NRAP: variants seen among roughly 807,000 people sequenced by gnomAD.
NRAP encodes nebulin related anchoring protein, also known as nebulin-related-anchoring protein.
Under a neutral mutation model 225.9 loss-of-function variants are expected in NRAP, and 189 were observed. That is an observed-to-expected ratio of 0.84 (90% confidence interval 0.74 to 0.94). NRAP has a LOEUF of 0.94. Ranked by LOEUF, NRAP falls within the 40% of genes least tolerant of loss-of-function variation. The pLI, the probability that NRAP is intolerant of heterozygous loss-of-function variation, is 0.00. For synonymous variants in NRAP, 769 were observed against 790.7 expected, an observed-to-expected ratio of 0.97 and a Z score of 0.46; for missense variants, 2,176 against 2,168.7, an observed-to-expected ratio of 1.00 and a Z score of -0.07.
rs550608483 is a variant in NRAP at position 113,625,769 on chromosome 10, A to T, written c.2244+278T>A. Among the ~76,000 whole-genome samples the T allele has an allele frequency of 2.0e-5, 3 of 152,336 alleles. No individual in the cohort carries two copies. In the East Asian group the frequency reaches 5.8e-4, roughly 29 times the overall value. Reference sequence around the variant, plus strand: ...TTTGATGAGAGATAGGAGTCAGAAGAAAAAAGGAACTAGAGAATATGGAAG... The same window carrying T: ...TTTGATGAGAGATAGGAGTCAGAAGTAAAAAGGAACTAGAGAATATGGAAG... On this transcript the variant is annotated intron_variant, in intron 21 of 41. Coordinates refer to ENST00000359988, the MANE Select transcript of NRAP (RefSeq NM_198060.4).
chr10:113,614,875 G>T lies in NRAP; in HGVS notation c.3150C>A (p.Phe1050Leu). The T allele has an allele frequency of 1.9e-6, 3 of 1,612,128 alleles. No individual in the cohort carries two copies. Among genetic ancestry groups the T allele is most frequent in the Non-Finnish European group, 2.5e-6 (3 of 1,178,188 alleles). Residue 1050 changes from phenylalanine to leucine, a missense_variant, in exon 28 of 42, where the codon TTC becomes TTA. Physicochemically the swap from Phe to Leu is conservative, Grantham distance 22. Coordinates refer to ENST00000359988, the MANE Select transcript of NRAP (RefSeq NM_198060.4). ...TTTCACCAGAAGCCTTTGCTGCTTG[G>T]AATGGAAGGGCATCCAACCTCAGTT... ...GYKLRLDALP[F>L]QAAKASGEII...
chr10:113,592,879 C>T (rs1453888503), intron 38 of NRAP, among the ~76,000 whole-genome samples: 1 of 152,196 alleles, frequency 6.6e-6, no homozygotes, highest in African/African-American at 2.4e-5. Context: ...TATTGTCAAG[C>T]ACCTGACCGA....
chr10:113,621,877 G>A lies in NRAP; in HGVS notation c.2761C>T (p.Gln921Ter), dbSNP rs1468158975. The A allele has an allele frequency of 6.2e-7, 1 of 1,609,720 alleles. No individual in the cohort carries two copies. The change falls in exon 24 of 42, where the codon CAG becomes TAG. Residue 921 changes from glutamine (Q) to a stop codon, truncating the protein, a stop_gained. Coordinates refer to ENST00000359988, the MANE Select transcript of NRAP (RefSeq NM_198060.4). LOFTEE classifies it high-confidence loss of function. ...ACTCACACAGAGCTTACATCACTCT[G>A]TAAGCCATAAGCCTTCTTGGCCCAT... is the stretch of plus-strand genomic sequence containing the variant. ...VEWAKKAYGL[Q>*]SDNQYRADVK...
chr10:113,606,117 C>G (rs774820334), intron 33 of NRAP, 61 bp downstream of exon 33: 64 of 1,251,808 alleles, frequency 5.1e-5, no homozygotes, highest in Non-Finnish European at 6.8e-5. Flanking sequence ...TGGGTTACTT[C>G]ACAGATGTAG....
At position 113,614,827 on chromosome 10, in the gene NRAP, G is replaced by A; in HGVS notation, c.3186+12C>T. 3 of 1,484,188 alleles carry A rather than the reference G, an allele frequency of 2.0e-6. No individual in the cohort carries two copies. Among genetic ancestry groups the A allele is most frequent in the South Asian group, 1.1e-5 (1 of 88,670 alleles). The allele number at this position is 1,484,188 out of a possible 1,614,324, so 91.9% of individuals were successfully genotyped here. The stretch of plus-strand genomic sequence containing the variant: ...GTTGAACATTGTCACAAGAATGGGG[G>A]TGAATGCTCACATCACTTATGATTT... On this transcript the variant is annotated intron_variant, in intron 28 of 41. Transcript: ENST00000359988.
rs1160954665 is a variant in NRAP at position 113,624,946 on chromosome 10, A to T, written c.2245-16T>A. 1 of 1,574,314 alleles carries T rather than the reference A, an allele frequency of 6.4e-7. No homozygotes were observed. ...TGTAGGCCACCTGTTGGGAAAGAGC[A>T]CTGAGTCAGGAGCAGGTGGCAAGGG... On this transcript the variant is annotated splice_polypyrimidine_tract_variant and intron_variant, in intron 21 of 41. Coordinates refer to ENST00000359988, the MANE Select transcript of NRAP (RefSeq NM_198060.4).
At position 113,653,010 on chromosome 10, in the gene NRAP, C is replaced by A. The variant is rs377574319; in HGVS notation, c.495G>T (p.Arg165Ser). 6.2e-7 allele frequency: 1 copy of A among 1,612,256 alleles called. No homozygotes were observed. Among genetic ancestry groups the A allele is most frequent in the African/African-American group, 1.3e-5 (1 of 74,812 alleles). Residue 165 changes from arginine (R) to serine (S), a missense_variant, in exon 6 of 42, where the codon AGG (arginine) becomes AGT (serine). Arg to Ser is a moderately radical substitution (Grantham distance 110, BLOSUM62 -1). This residue lies in a region of NRAP where 1,708 missense variants were observed against 1,695.5 expected (regional missense o/e 1.01). Transcript: ENST00000359988. ...TCATGGCTGGAAAGCTCCCCTTGCC[C>A]CTGGGTTGCTCATAGTCTTCTGTAT... Reference protein sequence around the residue: ...EEYTEDYEQPRGKGSFPAMIT... With the variant: ...EEYTEDYEQPSGKGSFPAMIT...
intron 29 of NRAP, among the ~76,000 whole-genome samples, chr10:113,613,485 G>T (rs979208221): frequency 2.0e-5 from 3 of 152,200 alleles, no homozygotes; most frequent in Non-Finnish European, 4.4e-5. Context: ...AGTTAACTGA[G>T]ACACTGTATA....
intron 32 of NRAP, among the ~76,000 whole-genome samples, chr10:113,607,917 G>A (rs1019475901): frequency 6.6e-6 from 1 of 152,222 alleles, no homozygotes; most frequent in Non-Finnish European, 1.5e-5. Context: ...AATGGTGAGT[G>A]AGAAGAGGAG....
chr10:113,641,000 C>T (rs1547842), intron 13 of NRAP, among the ~76,000 whole-genome samples: 84,203 of 151,962 alleles, frequency 0.55, 24,579 homozygotes, highest in East Asian at 0.73. Context: ...AACCAACCAA[C>T]TCTCAATAAA....
At chr10:113,627,580 G>A (rs1284670596) in intron 20 of NRAP, among the ~76,000 whole-genome samples, 2 of 152,102 alleles carry the variant, frequency 1.3e-5, no homozygotes, top group Admixed American at 1.3e-4. Flanking sequence ...AGCCCTAAAG[G>A]GTTATGCTTT....
chr10:113,625,789 T>C (rs1848256694), intron 21 of NRAP, among the ~76,000 whole-genome samples: 1 of 152,134 alleles, frequency 6.6e-6, no homozygotes. Flanking sequence ...CTAGAGAATA[T>C]GGAAGCTGAA....
chr10:113,614,932 T>C lies in NRAP; in HGVS notation c.3093A>G (p.Glu1031=). ...CACCATCTCGAAGTTTGCTCCAGGA[T>C]TCCTTATAACGCGTCTGTCGGGAAG... ...AMNISETRYK[E]SWSKLRDGGY... The change falls in exon 28 of 42, where the codon GAA becomes GAG. Residue 1031 remains glutamate, a synonymous_variant. Coordinates refer to ENST00000359988, the MANE Select transcript of NRAP (RefSeq NM_198060.4). The C allele has an allele frequency of 6.2e-7, 1 of 1,605,642 alleles. No individual in the cohort carries two copies. Among genetic ancestry groups the C allele is most frequent in the Middle Eastern group, 1.7e-4 (1 of 6,060 alleles).
chr10:113,634,192 T>G lies in NRAP; in HGVS notation c.1447A>C (p.Ile483Leu), dbSNP rs1373047387. 6.2e-7 allele frequency: 1 copy of G among 1,612,936 alleles called. No individual in the cohort carries two copies. Among genetic ancestry groups the G allele is most frequent in the African/African-American group, 1.3e-5 (1 of 75,028 alleles). ...PLKDANYRQSIDKLKYSSVTD... is the reference protein window; with the variant it reads ...PLKDANYRQSLDKLKYSSVTD... ...ACCGAGCTGTACTTCAACTTGTCGA[T>G]GCTCTGCCTATAATTGGCCTAGGTA... Residue 483 changes from isoleucine (I) to leucine (L), a missense_variant, in exon 15 of 42, where the codon ATC becomes CTC. Ile to Leu is a conservative substitution (Grantham distance 5). Around this residue, in one of 3 missense-constraint regions of NRAP, gnomAD observed 1,708 missense variants for 1,695.5 expected, o/e 1.01. Transcript: ENST00000359988.
intron 3 of NRAP, among the ~76,000 whole-genome samples, chr10:113,661,691 C>T (rs1850688950): frequency 6.6e-6 from 1 of 152,154 alleles, no homozygotes; most frequent in Non-Finnish European, 1.5e-5. Context: ...ATTAGATTTT[C>T]AAGAGGTTGG....
chr10:113,642,369 C>T (rs1047377442), intron 12 of NRAP, among the ~76,000 whole-genome samples: 3 of 152,106 alleles, frequency 2.0e-5, no homozygotes, highest in Admixed American at 1.3e-4. Context: ...CAGTCCCTTG[C>T]AATTTTAAAT....
Position 113,605,821 on chromosome 10 carries a change from G to C in NRAP, c.3856C>G (p.Leu1286Val). Reference protein sequence around the residue: ...WRNLRAQGYKLTIEALPFQAA... With the variant: ...WRNLRAQGYKVTIEALPFQAA... ...TGGAAGGGGAGCGCTTCTATTGTCA[G>C]CTTGTAGCCTTGAGCACGAAGATTA... Residue 1286 changes from leucine (L) to valine (V), a missense_variant, in exon 34 of 42, where the codon CTG (leucine) becomes GTG (valine). Transcript: ENST00000359988. 1 of 1,614,150 alleles carries C rather than the reference G, an allele frequency of 6.2e-7. No individual in the cohort carries two copies. Among genetic ancestry groups the C allele is most frequent in the Non-Finnish European group, 8.5e-7 (1 of 1,179,992 alleles).
At chr10:113,661,657 C>A (rs1030850750) in intron 3 of NRAP, among the ~76,000 whole-genome samples, 2 of 152,166 alleles carry the variant, frequency 1.3e-5, no homozygotes, top group Non-Finnish European at 2.9e-5. Context: ...CCGTCGATAA[C>A]TGGTTATTTG....
intron 28 of NRAP, 122 bp from the exon 29 acceptor site, chr10:113,614,418 A>T: frequency 1.4e-6 from 1 of 722,114 alleles, no homozygotes. Context: ...TTAAAAGAAA[A>T]TGCGCGGGAG....
Sources: gnomAD v4.1 joint callset for allele counts (sites outside exome capture counted in the v4.1 genomes callset) on GRCh38, gnomAD v4.1.1 for gene constraint, gnomAD v4.1.1 regional missense constraint, MANE v1.5 for transcripts, NCBI Gene and HGNC (gene_info 2026-07-23, HGNC 2026-07-21) for gene names.